The following SAFB2 variants were observed in gnomAD, a reference collection of about 807,000 sequenced individuals.
SAFB2 encodes scaffold attachment factor B2.
In SAFB2, 32 loss-of-function variants were observed where a neutral mutation model predicts 100.6. The observed-to-expected ratio is 0.32, with a 90% CI of 0.24 to 0.43. The LOEUF (loss-of-function observed/expected upper bound fraction) is 0.43, where lower values mean the gene tolerates loss of function less well. SAFB2 is among the 20% of genes least tolerant of loss of function. The pLI is 1.00. For missense variants in SAFB2, 1,185 were observed against 1,163.4 expected (o/e 1.02, Z -0.27); for synonymous variants, 500 against 439.4 (o/e 1.14, Z -1.72).
intron 8 of SAFB2, 82 bp downstream of exon 8, chr19:5,610,557 C>G: frequency 1.0e-6 from 1 of 993,608 alleles, no homozygotes; most frequent in Non-Finnish European, 1.5e-6. Context: ...TTACTGAATC[C>G]AAAGTGTGTA....
At chr19:5,612,313 A>G (rs2052925511) in intron 6 of SAFB2, 2 of 569,294 alleles carry the variant, frequency 3.5e-6, no homozygotes, top group Non-Finnish European at 6.2e-6. Context: ...ACATGAAAAG[A>G]ATCACTACTA....
At chr19:5,589,283 A>G (rs1185176546) in intron 18 of SAFB2, among the ~76,000 whole-genome samples, 1 of 152,178 alleles carries the variant, frequency 6.6e-6, no homozygotes, top group African/African-American at 2.4e-5. Flanking sequence ...GTCTCACAGG[A>G]GAGAACACTT....
At chr19:5,599,948 G>A (rs185210190) in intron 12 of SAFB2, among the ~76,000 whole-genome samples, 182 bp downstream of exon 12, 45 of 152,222 alleles carry the variant, frequency 3.0e-4, no homozygotes, top group African/African-American at 7.0e-4. Flanking sequence ...CTGGATTCCC[G>A]ATGTTGTATG....
At chr19:5,614,580 C>T (rs893117332) in intron 4 of SAFB2, among the ~76,000 whole-genome samples, 5 of 152,142 alleles carry the variant, frequency 3.3e-5, no homozygotes, top group African/African-American at 9.7e-5. Flanking sequence ...GACTTTTGAC[C>T]GTAAGGTTTA....
chr19:5,609,885 G>T, intron 9 of SAFB2, 110 bp downstream of exon 9: 1 of 907,342 alleles, frequency 1.1e-6, no homozygotes, highest in Non-Finnish European at 1.7e-6. Context: ...CAATCCTCCT[G>T]CCTCAGCCTC....
intron 17 of SAFB2, among the ~76,000 whole-genome samples, chr19:5,590,831 C>T (rs184035791): frequency 2.1e-3 from 315 of 152,336 alleles, no homozygotes; most frequent in African/African-American, 7.4e-3. Flanking sequence ...CAACTCTGCA[C>T]GGAGCAGCCA....
At chr19:5,594,351 T>G in intron 14 of SAFB2, among the ~76,000 whole-genome samples, 173 bp from the exon 15 acceptor site, 1 of 152,224 alleles carries the variant, frequency 6.6e-6, no homozygotes, top group African/African-American at 2.4e-5. Flanking sequence ...CAAAGCTACC[T>G]TAAGAAAAGC....
At chr19:5,598,688 T>A (rs2052586076) in intron 13 of SAFB2, 105 bp downstream of exon 13, 4 of 1,058,064 alleles carry the variant, frequency 3.8e-6, no homozygotes, top group Non-Finnish European at 5.8e-6. Flanking sequence ...CCTACAAACT[T>A]CAATTTTAAA....
At chr19:5,612,092 A>G (rs539605651) in intron 6 of SAFB2, 132 of 321,422 alleles carry the variant, frequency 4.1e-4, no homozygotes, top group African/African-American at 2.5e-3. Context: ...AAGGGGAATA[A>G]TATGTTGAAA....
At chr19:5,596,111 A>G (rs1238723386) in intron 13 of SAFB2, among the ~76,000 whole-genome samples, 1 of 152,138 alleles carries the variant, frequency 6.6e-6, no homozygotes, top group East Asian at 1.9e-4. Context: ...AAAAATACAA[A>G]AATTAGCTAG....
intron 9 of SAFB2, among the ~76,000 whole-genome samples, 161 bp from the exon 10 acceptor site, chr19:5,605,097 T>C (rs2052745162): frequency 6.6e-6 from 1 of 151,866 alleles, no homozygotes; most frequent in African/African-American, 2.4e-5. Context: ...TCCTGACCTA[T>C]CCAAATACAA....
intron 2 of SAFB2, among the ~76,000 whole-genome samples, chr19:5,618,456 T>G (rs1490108893): frequency 6.6e-6 from 1 of 152,178 alleles, no homozygotes; most frequent in Non-Finnish European, 1.5e-5. Context: ...ACTCAAGAAA[T>G]GCAGTTTAAT....
rs1411275832 is a variant in SAFB2, at chr19:5,592,857, C to T, written c.2238G>A (p.Lys746=). 4 of 1,614,130 alleles carry T rather than the reference C, an allele frequency of 2.5e-6. No homozygotes were observed. The highest frequency in any genetic ancestry group is 2.5e-6 in the Non-Finnish European group (3 of 1,180,036). The change falls in exon 16 of 21, where the codon AAG becomes AAA. Residue 746 remains lysine, a synonymous_variant. Transcript: ENST00000252542. ...GATATCGGTCCTCCATTGCCACACG[C>T]TTTCCTTCTGGCCAATAGGCATCAT... ...RRDDAYWPEG[K]RVAMEDRYRA...
At chr19:5,590,842 G>A (rs2052382257) in intron 17 of SAFB2, among the ~76,000 whole-genome samples, 1 of 152,166 alleles carries the variant, frequency 6.6e-6, no homozygotes, top group South Asian at 2.1e-4. Context: ...GGAGCAGCCA[G>A]CAGCCAGGAA....
In SAFB2 at chr19:5,593,921, C is replaced by CGCCGCTCCTGCTCGTAACGCA; in HGVS notation, c.2156_2176dup (p.Leu719_Arg725dup). 10 of 1,532,536 alleles carry CGCCGCTCCTGCTCGTAACGCA rather than the reference C, an allele frequency of 6.5e-6. No individual in the cohort carries two copies. Among genetic ancestry groups the CGCCGCTCCTGCTCGTAACGCA allele is most frequent in the Non-Finnish European group, 8.7e-6 (10 of 1,151,394 alleles). The allele number at this position is 1,532,536 out of a possible 1,614,324, so 94.9% of individuals were successfully genotyped here. A position where few individuals can be genotyped will look rare whatever the true frequency, so the allele number is the denominator to read the frequency against. ...CAGGTCGTAGGGCCTCCGCCCGGGC[C>CGCCGCTCCTGCTCGTAACGCA]GCCGCTCCTGCTCGTAACGCAGCTG... On this transcript the variant is annotated inframe_insertion, in exon 15 of 21. Transcript: ENST00000252542.
rs1273179172 is a variant in SAFB2, at chr19:5,587,088, T to A, written c.*155A>T. The stretch of plus-strand genomic sequence containing the variant: ...ATGGCAGAACAAGAACACATTTATT[T>A]AAAAAAAAAAAAAAAGTGAGTTCAC... On this transcript the variant is annotated 3_prime_UTR_variant, in exon 21 of 21. Transcript: ENST00000252542. The surrounding 1 kb of genome is among the most constrained non-coding windows in gnomAD (Gnocchi z 4.9). 185 of 791,244 alleles carry A rather than the reference T, an allele frequency of 2.3e-4. No individual in the cohort carries two copies. The highest frequency in any genetic ancestry group is 7.4e-4 in the African/African-American group (41 of 55,514). The allele number at this position is 791,244 out of a possible 1,614,324, so 49.0% of individuals were successfully genotyped here. A position where few individuals can be genotyped will look rare whatever the true frequency, so the allele number is the denominator to read the frequency against.
At chr19:5,603,219 G>A (rs1206115589) in intron 11 of SAFB2, among the ~76,000 whole-genome samples, 2 of 152,168 alleles carry the variant, frequency 1.3e-5, no homozygotes, top group Non-Finnish European at 2.9e-5. Flanking sequence ...AATGAGCCAT[G>A]ACTGCATCAA....
In SAFB2 at chr19:5,598,862, C is replaced by G. The variant is rs200136013; in HGVS notation, c.1713G>C (p.Thr571=). The G allele has an allele frequency of 3.1e-6, 5 of 1,614,002 alleles. No homozygotes were observed. In the Admixed American group the frequency reaches 8.3e-5, roughly 27 times the overall value. Reference sequence around the variant, plus strand: ...CTCCTTTCGATTTATCCATCACGACCGTCCGCTCCATTCCTCTGCTTCCTT... The same window carrying G: ...CTCCTTTCGATTTATCCATCACGACGGTCCGCTCCATTCCTCTGCTTCCTT... ...TKSGSRGMER[T]VVMDKSKGEP... The change falls in exon 13 of 21, where the codon ACG becomes ACC. Residue 571 remains threonine, a synonymous_variant. Coordinates refer to ENST00000252542, the MANE Select transcript of SAFB2 (RefSeq NM_014649.3).
chr19:5,591,724 G>A (rs2285963), intron 17 of SAFB2, 24 bp downstream of exon 17: 220,712 of 1,608,754 alleles, frequency 0.14, 16,242 homozygotes, highest in South Asian at 0.24. Context: ...TGGCCCCAGG[G>A]CTTGGCATCG....
Sources: gnomAD v4.1 joint callset for allele counts (sites outside exome capture counted in the v4.1 genomes callset) on GRCh38, gnomAD v4.1.1 for gene constraint, Gnocchi (gnomAD v3.1) non-coding constraint, MANE v1.5 for transcripts, NCBI Gene and HGNC (gene_info 2026-07-23, HGNC 2026-07-21) for gene names.